TTLL5: variants seen among roughly 807,000 people sequenced by gnomAD.
TTLL5 encodes the protein tubulin polyglutamylase TTLL5.
TTLL5 carries 132 observed loss-of-function variants against 168.4 expected under a neutral mutation model. That is an observed-to-expected ratio of 0.78 (90% CI 0.68 to 0.91). The LOEUF is 0.91. Among genes scored for constraint, TTLL5 ranks in the 40% least tolerant of loss-of-function variants. The pLI is 0.00. For missense variants in TTLL5, 1,545 were observed against 1,581.5 expected, an observed-to-expected ratio of 0.98 and a Z score of 0.39; for synonymous variants, 546 against 558.6, an observed-to-expected ratio of 0.98 and a Z score of 0.32.
At chr14:75,696,620 T>A (rs938278526) in intron 6 of TTLL5, among the ~76,000 whole-genome samples, 5 of 152,246 alleles carry the variant, frequency 3.3e-5, no homozygotes, top group African/African-American at 1.2e-4. Context: ...TAAATTATAT[T>A]TTTTGAAAGG....
At position 75,745,149 on chromosome 14, in the gene TTLL5, G is replaced by T; in HGVS notation, c.1336G>T (p.Ala446Ser). The T allele has an allele frequency of 6.2e-7, 1 of 1,613,990 alleles. No individual in the cohort carries two copies. Among genetic ancestry groups the T allele is most frequent in the East Asian group, 2.2e-5 (1 of 44,874 alleles). Residue 446 changes from alanine (A) to serine (S), a missense_variant, in exon 16 of 32, where the codon GCC (alanine) becomes TCC (serine). By Grantham distance (99) the Ala-to-Ser change is moderately conservative (BLOSUM62 1). Transcript: ENST00000298832. Reference protein sequence around the residue: ...DAEMKNLVGSAREKGPGKLGG... With the variant: ...DAEMKNLVGSSREKGPGKLGG... ...GGAAATGAAAAACCTCGTGGGCTCA[G>T]CCCGGGAGAAAGGGCCAGGGAAGTT...
At chr14:75,855,165 A>AG (rs1897068788) in intron 28 of TTLL5, among the ~76,000 whole-genome samples, 1 of 150,886 alleles carries the variant, frequency 6.6e-6, no homozygotes, top group Non-Finnish European at 1.5e-5. Context: ...AAAAAAAAAA[A>AG]AGAAATAAGA....
rs746910184 is a variant in TTLL5 at position 75,863,831 on chromosome 14, A to G, written c.3491A>G (p.Gln1164Arg). 3.2e-6 allele frequency: 5 copies of G among 1,562,972 alleles called. No individual in the cohort carries two copies. The South Asian group carries it at 5.5e-5, about 17-fold the overall frequency. The change falls in exon 29 of 32, where the codon CAG (glutamine) becomes CGG (arginine). Residue 1164 changes from glutamine to arginine, a missense_variant. Physicochemically the swap from Gln to Arg is conservative, Grantham distance 43. Coordinates refer to ENST00000298832, the MANE Select transcript of TTLL5 (RefSeq NM_015072.5). ...GAACAACAAAAACTTCAGTCCCGGCAGCTCCTGGACCAGAGTCGAGCCCGG... is the reference window on the plus strand; with the variant it reads ...GAACAACAAAAACTTCAGTCCCGGCGGCTCCTGGACCAGAGTCGAGCCCGG... ...QLEQQKLQSR[Q>R]LLDQSRARHQ...
chr14:75,737,571 A>G, intron 15 of TTLL5: 1 of 1,535,684 alleles, frequency 6.5e-7, no homozygotes, highest in Non-Finnish European at 8.7e-7. Context: ...TATAGCGTCC[A>G]GTATCTGCAC....
rs1451377462 is a variant in TTLL5, at chr14:75,745,522, T to C, written c.1428T>C (p.Asn476=). ...TTTTACGAAGGGTGAAGGAGGAGAATGATCGGCGAGGTGGATTTATTCGCA... is the reference window on the plus strand; with the variant it reads ...TTTTACGAAGGGTGAAGGAGGAGAACGATCGGCGAGGTGGATTTATTCGCA... ...IKVLRRVKEE[N]DRRGGFIRIF... Residue 476 remains asparagine (N), a synonymous_variant, in exon 17 of 32, where the codon AAT becomes AAC. Transcript: ENST00000298832. 3 of 1,614,062 alleles carry C rather than the reference T, an allele frequency of 1.9e-6. No individual in the cohort carries two copies. The highest frequency in any genetic ancestry group is 2.5e-6 in the Non-Finnish European group (3 of 1,179,986).
intron 28 of TTLL5, among the ~76,000 whole-genome samples, chr14:75,834,966 G>A (rs978791638): frequency 6.6e-6 from 1 of 152,126 alleles, no homozygotes; most frequent in Non-Finnish European, 1.5e-5. Flanking sequence ...TACTCAGGAG[G>A]CTGAGGTGGG....
intron 5 of TTLL5, among the ~76,000 whole-genome samples, chr14:75,687,727 A>G (rs1474289524): frequency 6.6e-6 from 1 of 152,224 alleles, no homozygotes; most frequent in Non-Finnish European, 1.5e-5. Context: ...CTTAAAACTC[A>G]ACCATAAGGA....
intron 9 of TTLL5, among the ~76,000 whole-genome samples, chr14:75,713,335 C>T (rs1194484921): frequency 6.6e-6 from 1 of 152,194 alleles, no homozygotes; most frequent in African/African-American, 2.4e-5. Context: ...CAGTATAGTA[C>T]AATGCTGTAC....
intron 27 of TTLL5, among the ~76,000 whole-genome samples, chr14:75,811,631 G>C (rs115806416): frequency 6.6e-6 from 1 of 152,136 alleles, no homozygotes; most frequent in Non-Finnish European, 1.5e-5. Flanking sequence ...CTGCACATGC[G>C]TTAGCGCTTT....
At chr14:75,935,568 A>G (rs2034410359) in intron 31 of TTLL5, among the ~76,000 whole-genome samples, 2 of 152,258 alleles carry the variant, frequency 1.3e-5, no homozygotes, top group African/African-American at 2.4e-5. Context: ...CAAGACCCAC[A>G]CTAAAAAGAT....
intron 31 of TTLL5, among the ~76,000 whole-genome samples, chr14:75,925,943 G>A (rs1250243346): frequency 2.0e-5 from 3 of 151,882 alleles, no homozygotes; most frequent in East Asian, 3.9e-4. Flanking sequence ...GCAGGCACTT[G>A]GCAGGCTGAG....
chr14:75,687,305 G>A (rs190705209), intron 5 of TTLL5, among the ~76,000 whole-genome samples: 4 of 152,058 alleles, frequency 2.6e-5, no homozygotes, highest in Non-Finnish European at 4.4e-5. Flanking sequence ...GGACAGTTTC[G>A]CTCTGTCACC....
intron 30 of TTLL5, among the ~76,000 whole-genome samples, chr14:75,893,600 C>T (rs1229734459): frequency 6.6e-6 from 1 of 152,052 alleles, no homozygotes; most frequent in South Asian, 2.1e-4. Flanking sequence ...GGGCGGATCA[C>T]GAGGTCAGGA....
chr14:75,681,637 T>C lies in TTLL5; in HGVS notation c.264+10T>C. 1.9e-6 allele frequency: 3 copies of C among 1,610,516 alleles called. No individual in the cohort carries two copies. The highest frequency in any genetic ancestry group is 4.5e-5 in the East Asian group (2 of 44,848). On this transcript the variant is annotated intron_variant, in intron 4 of 31. Transcript: ENST00000298832. The stretch of plus-strand genomic sequence containing the variant: ...CCATGGATTTCATGAAGTAAGTTTA[T>C]TTTTAATACCTCACCTGATCTGCTC...
intron 17 of TTLL5, among the ~76,000 whole-genome samples, chr14:75,751,838 A>C (rs1889973415): frequency 6.6e-6 from 1 of 152,222 alleles, no homozygotes; most frequent in Non-Finnish European, 1.5e-5. Context: ...AGTGAAAGCA[A>C]GTTTATTAAC....
chr14:75,875,077 G>T (rs2031373492), intron 29 of TTLL5, among the ~76,000 whole-genome samples: 1 of 149,932 alleles, frequency 6.7e-6, no homozygotes, highest in Admixed American at 6.6e-5. Context: ...GAGACTACAG[G>T]TGCCCACCAC....
intron 3 of TTLL5, among the ~76,000 whole-genome samples, chr14:75,670,461 A>G (rs537389211): frequency 6.6e-6 from 1 of 152,296 alleles, no homozygotes; most frequent in African/African-American, 2.4e-5. Context: ...GCTAGGCCAT[A>G]TGGTAATTCT....
chr14:75,686,053 G>A (rs986733092), intron 5 of TTLL5, among the ~76,000 whole-genome samples: 1 of 152,296 alleles, frequency 6.6e-6, no homozygotes, highest in African/African-American at 2.4e-5. Flanking sequence ...CCGTAGATAA[G>A]AAAGAAATGT....
At chr14:75,716,631 TC>T (rs1407284016) in intron 9 of TTLL5, among the ~76,000 whole-genome samples, 1 of 151,902 alleles carries the variant, frequency 6.6e-6, no homozygotes, top group Non-Finnish European at 1.5e-5. Flanking sequence ...TGGATATGCC[TC>T]TTGGGAAAAC....
Sources: allele counts gnomAD v4.1 joint callset (sites outside exome capture counted in the v4.1 genomes callset), GRCh38; gene constraint gnomAD v4.1.1; transcripts MANE v1.5; gene names NCBI Gene and HGNC (gene_info 2026-07-23, HGNC 2026-07-21).